The following DLGAP2 variants were observed in gnomAD, a reference collection of about 807,000 sequenced individuals.
DLGAP2 encodes the protein disks large-associated protein 2.
In DLGAP2, 26 loss-of-function variants were observed where a neutral mutation model predicts 100.3. The ratio of observed to expected loss-of-function variants is 0.26; its 90% CI spans 0.19 to 0.36. The LOEUF is 0.36. DLGAP2 is among the 10% of genes least tolerant of loss of function. The pLI is 1.00. For missense variants in DLGAP2, 1,858 were observed against 1,453.2 expected, an observed-to-expected ratio of 1.28 and a Z score of -4.53; for synonymous variants, 886 against 630.1, an observed-to-expected ratio of 1.41 and a Z score of -6.08.
intron 3 of DLGAP2, among the ~76,000 whole-genome samples, chr8:1,291,786 C>T (rs374645383): frequency 1.3e-5 from 2 of 152,120 alleles, no homozygotes; most frequent in Non-Finnish European, 2.9e-5. Context: ...GGCCAGTTTT[C>T]ATCATACGAG....
At chr8:1,125,144 T>C (rs1232628768) in intron 2 of DLGAP2, among the ~76,000 whole-genome samples, 1 of 151,622 alleles carries the variant, frequency 6.6e-6, no homozygotes, top group Non-Finnish European at 1.5e-5. Context: ...ACTTTAAATA[T>C]TTCCCCGCTA....
intron 3 of DLGAP2, among the ~76,000 whole-genome samples, chr8:1,282,450 C>T (rs1332528371): frequency 1.6e-5 from 2 of 128,458 alleles, no homozygotes; most frequent in African/African-American, 5.5e-5. Flanking sequence ...TGACCTGAAC[C>T]CAGCACATGA....
At chr8:1,313,131 C>T (rs917106118) in intron 3 of DLGAP2, among the ~76,000 whole-genome samples, 2 of 152,162 alleles carry the variant, frequency 1.3e-5, no homozygotes, top group Non-Finnish European at 2.9e-5. Context: ...TGGGGGGTGA[C>T]ATTTACCTAT....
In DLGAP2 at chr8:764,725, A is replaced by G. The variant is rs116733759; in HGVS notation, c.18+26900A>G. On this transcript the variant is annotated intron_variant, in intron 1 of 14. Coordinates refer to ENST00000637795, the MANE Select transcript of DLGAP2 (RefSeq NM_001346810.2). ...CACACCTTGTGGTTGTAGTAGAGGA[A>G]TGACTTGTGCCGTCTTCTAAGCTGT... is the stretch of plus-strand genomic sequence containing the variant. 1.0e-3 allele frequency among the ~76,000 whole-genome samples: 158 copies of G among 152,326 alleles called. 1 individual carries two copies. The highest frequency in any genetic ancestry group is 3.6e-3 in the African/African-American group (150 of 41,586).
intron 2 of DLGAP2, among the ~76,000 whole-genome samples, chr8:1,064,895 G>T (rs1030363875): frequency 2.6e-5 from 4 of 152,162 alleles, no homozygotes; most frequent in African/African-American, 9.7e-5. Flanking sequence ...TGGAGAATCC[G>T]TTTAAGGAAC....
At chr8:1,408,073 CA>C (rs932444316) in intron 3 of DLGAP2, among the ~76,000 whole-genome samples, 46 of 152,370 alleles carry the variant, frequency 3.0e-4, no homozygotes, top group African/African-American at 9.9e-4. Context: ...AAATGCCCCC[CA>C]GGGGATAGAA....
intron 2 of DLGAP2, among the ~76,000 whole-genome samples, chr8:1,177,127 C>T (rs1797277286): frequency 6.6e-6 from 1 of 152,190 alleles, no homozygotes; most frequent in African/African-American, 2.4e-5. Context: ...CTAAAAGTCC[C>T]AGCCTTCGAG....
At chr8:1,233,274 G>C (rs1167009012) in intron 2 of DLGAP2, among the ~76,000 whole-genome samples, 1 of 152,194 alleles carries the variant, frequency 6.6e-6, no homozygotes, top group Non-Finnish European at 1.5e-5. Flanking sequence ...GAGCATCCTG[G>C]ATGCATTCCC....
chr8:1,287,497 GTTCT>G (rs1244111648), intron 3 of DLGAP2, among the ~76,000 whole-genome samples: 10 of 8,370 alleles, frequency 1.2e-3, no homozygotes, highest in South Asian at 3.0e-3. Flanking sequence ...TGTGTGTGTG[GTTCT>G]GTTAGGAGGG....
intron 2 of DLGAP2, among the ~76,000 whole-genome samples, chr8:1,027,492 GGT>G (rs1801836841): frequency 6.7e-6 from 1 of 149,920 alleles, no homozygotes; most frequent in Non-Finnish European, 1.5e-5. Context: ...TTATTCTCCA[GGT>G]TTGGTGCCAG....
chr8:1,623,760 GTT>G (rs1563263706), intron 6 of DLGAP2, among the ~76,000 whole-genome samples: 1 of 152,242 alleles, frequency 6.6e-6, no homozygotes, highest in African/African-American at 2.4e-5. Context: ...AAGAGGCCTG[GTT>G]TATAGGACTA....
chr8:799,157 C>G (rs76796567), intron 1 of DLGAP2, among the ~76,000 whole-genome samples: 128 of 152,322 alleles, frequency 8.4e-4, no homozygotes, highest in Middle Eastern at 6.8e-3. Flanking sequence ...ATCCGAGTGT[C>G]TTTGGGAGGC....
intron 8 of DLGAP2, among the ~76,000 whole-genome samples, chr8:1,660,958 A>G (rs1294327350): frequency 6.6e-6 from 1 of 152,224 alleles, no homozygotes; most frequent in Non-Finnish European, 1.5e-5. Flanking sequence ...ACTTTCAGCA[A>G]CAAGGCTGCT....
At chr8:1,604,821 A>T (rs1470509045) in intron 6 of DLGAP2, 1 of 152,164 alleles carries the variant, frequency 6.6e-6, no homozygotes, top group Non-Finnish European at 1.5e-5. Context: ...AAAAACTCAA[A>T]CATAAATGGC....
chr8:1,595,916 C>T (rs541901362), intron 6 of DLGAP2, among the ~76,000 whole-genome samples: 27 of 151,696 alleles, frequency 1.8e-4, no homozygotes, highest in East Asian at 5.8e-4. Context: ...TACATGTGCA[C>T]AACGGGCAGG....
chr8:1,657,333 G>C (rs1439394390), intron 8 of DLGAP2, among the ~76,000 whole-genome samples: 1 of 152,184 alleles, frequency 6.6e-6, no homozygotes, highest in East Asian at 1.9e-4. Flanking sequence ...CATATAGAAA[G>C]TGATAGATAA....
intron 3 of DLGAP2, among the ~76,000 whole-genome samples, chr8:1,268,978 A>G (rs1799525035): frequency 6.6e-6 from 1 of 152,212 alleles, no homozygotes; most frequent in Non-Finnish European, 1.5e-5. Flanking sequence ...CAGGTAGCTC[A>G]GCCGTAGTCC....
intron 3 of DLGAP2, among the ~76,000 whole-genome samples, chr8:1,491,038 A>G (rs999383737): frequency 9.0e-6 from 1 of 110,774 alleles, no homozygotes; most frequent in African/African-American, 2.9e-5. Context: ...AATAAAATTT[A>G]AAAAAATAAA....
chr8:1,250,862 G>A (rs957409480), intron 2 of DLGAP2, among the ~76,000 whole-genome samples: 5 of 152,206 alleles, frequency 3.3e-5, no homozygotes, highest in Non-Finnish European at 5.9e-5. Context: ...GCCAGGTAAC[G>A]ACGGGGTGAC....
Sources: allele counts gnomAD v4.1 joint callset (sites outside exome capture counted in the v4.1 genomes callset), GRCh38; gene constraint gnomAD v4.1.1; transcripts MANE v1.5; gene names NCBI Gene and HGNC (gene_info 2026-07-23, HGNC 2026-07-21).